DPYD: variants seen among roughly 807,000 people sequenced by gnomAD.
The protein encoded by DPYD is dihydropyrimidine dehydrogenase [NADP(+)].
In DPYD, 109 loss-of-function variants were observed where a neutral mutation model predicts 116.2. That is an observed-to-expected ratio of 0.94 (90% confidence interval 0.80 to 1.10). The LOEUF (loss-of-function observed/expected upper bound fraction) is 1.10. Ranked by LOEUF, DPYD falls within the 50% of genes least tolerant of loss-of-function variation. The pLI is 0.00. For missense variants in DPYD, 1,302 were observed against 1,254.5 expected (o/e 1.04, Z -0.57); for synonymous variants, 440 against 432.0 (o/e 1.02, Z -0.23).
At chr1:97,457,663 T>C (rs915135044) in intron 13 of DPYD, among the ~76,000 whole-genome samples, 1 of 152,066 alleles carries the variant, frequency 6.6e-6, no homozygotes, top group Non-Finnish European at 1.5e-5. Flanking sequence ...AAAACAAAAG[T>C]TGTGGGAGTT....
intron 16 of DPYD, among the ~76,000 whole-genome samples, chr1:97,314,815 T>C (rs1667719553): frequency 6.6e-6 from 1 of 151,986 alleles, no homozygotes. Context: ...GTAATGAAGT[T>C]TGAGAGGTAC....
intron 20 of DPYD, among the ~76,000 whole-genome samples, chr1:97,130,837 T>TCCTTCCTC (rs1653267320): frequency 6.1e-4 from 1 of 1,652 alleles, no homozygotes; most frequent in Non-Finnish European, 1.3e-3. Context: ...TTCTTCTTTC[T>TCCTTCCTC]CCTTCCTTCC....
At chr1:97,496,584 C>T (rs1212406384) in intron 13 of DPYD, among the ~76,000 whole-genome samples, 1 of 151,970 alleles carries the variant, frequency 6.6e-6, no homozygotes, top group Admixed American at 6.6e-5. Flanking sequence ...AAAGTAAACA[C>T]CCATTTTTAC....
chr1:97,625,110 A>C (rs1656852927), intron 8 of DPYD, among the ~76,000 whole-genome samples: 1 of 152,040 alleles, frequency 6.6e-6, no homozygotes, highest in Non-Finnish European at 1.5e-5. Flanking sequence ...TTAAGTTCAT[A>C]TGTTCTTACC....
rs566112793 is a variant in DPYD, at chr1:97,861,390, C to CA, written c.150+21873dup. On this transcript the variant is annotated intron_variant, in intron 2 of 22. Coordinates refer to ENST00000370192, the MANE Select transcript of DPYD (RefSeq NM_000110.4). ...AGATATAACTTCAATGAATTTTAAA[C>CA]AAAAAAAAATAACTGTAAAATAAAA... is the stretch of plus-strand genomic sequence containing the variant. 5.7e-4 allele frequency among the ~76,000 whole-genome samples: 83 copies of CA among 145,632 alleles called. 1 individual carries two copies. Among genetic ancestry groups the CA allele is most frequent in the African/African-American group, 1.5e-3 (59 of 39,654 alleles).
Position 97,166,915 on chromosome 1 carries a change from T to C in DPYD, c.2622+26154A>G, listed in dbSNP as rs188107398. 3.9e-5 allele frequency among the ~76,000 whole-genome samples: 6 copies of C among 152,338 alleles called. No individual in the cohort carries two copies. The East Asian group carries it at 1.2e-3, about 29-fold the overall frequency. Reference sequence around the variant, plus strand: ...ATACAGGAATATTATCAAAGTACCATATTATTTGAGCATTTTGGAAAATAT... The same window carrying C: ...ATACAGGAATATTATCAAAGTACCACATTATTTGAGCATTTTGGAAAATAT... On this transcript the variant is annotated intron_variant, in intron 20 of 22. Coordinates refer to ENST00000370192, the MANE Select transcript of DPYD (RefSeq NM_000110.4).
At chr1:97,740,109 G>A (rs139863097) in intron 4 of DPYD, among the ~76,000 whole-genome samples, 2 of 152,132 alleles carry the variant, frequency 1.3e-5, no homozygotes, top group African/African-American at 4.8e-5. Context: ...TATTTAGCAA[G>A]CATAAACTAA....
At chr1:97,506,651 G>T (rs767951037) in intron 13 of DPYD, among the ~76,000 whole-genome samples, 1 of 151,880 alleles carries the variant, frequency 6.6e-6, no homozygotes, top group Non-Finnish European at 1.5e-5. Flanking sequence ...AAGTCTATTT[G>T]AGTTTCACTT....
chr1:97,374,478 T>C (rs1482385614), intron 15 of DPYD, among the ~76,000 whole-genome samples: 1 of 151,968 alleles, frequency 6.6e-6, no homozygotes, highest in East Asian at 1.9e-4. Flanking sequence ...CCCAGCACTT[T>C]GGGAGGCCAA....
intron 14 of DPYD, among the ~76,000 whole-genome samples, chr1:97,402,648 T>C (rs1328750193): frequency 2.6e-5 from 4 of 152,154 alleles, no homozygotes; most frequent in African/African-American, 9.6e-5. Flanking sequence ...AGTATAATTA[T>C]GAAAAGAAAT....
intron 16 of DPYD, among the ~76,000 whole-genome samples, chr1:97,342,867 C>G (rs944301997): frequency 6.6e-6 from 1 of 152,098 alleles, no homozygotes; most frequent in Non-Finnish European, 1.5e-5. Flanking sequence ...TCATCACTCC[C>G]CCTACCACTT....
intron 18 of DPYD, among the ~76,000 whole-genome samples, chr1:97,288,929 T>C (rs1177517454): frequency 6.6e-6 from 1 of 151,962 alleles, no homozygotes; most frequent in Non-Finnish European, 1.5e-5. Flanking sequence ...ACAAAATTGA[T>C]AGACTGCTAG....
chr1:97,191,701 C>T (rs1464434655), intron 20 of DPYD, among the ~76,000 whole-genome samples: 1 of 152,082 alleles, frequency 6.6e-6, no homozygotes, highest in Non-Finnish European at 1.5e-5. Flanking sequence ...ACATGGCAAC[C>T]ACCCAAATTT....
At chr1:97,790,868 T>G (rs755844951) in intron 3 of DPYD, among the ~76,000 whole-genome samples, 4 of 152,338 alleles carry the variant, frequency 2.6e-5, no homozygotes, top group East Asian at 3.9e-4. Context: ...TCTACAATTT[T>G]CACGTCCTTA....
intron 8 of DPYD, among the ~76,000 whole-genome samples, chr1:97,607,878 T>C (rs373878527): frequency 6.6e-5 from 10 of 152,030 alleles, no homozygotes; most frequent in African/African-American, 2.4e-4. Context: ...TCTTTCTTGA[T>C]TTTTCAGTAC....
In DPYD at chr1:97,094,699, C is replaced by T. The variant is rs760862682; in HGVS notation, c.2766+3790G>A. ...GAGGTGACCCCAAGATATGGTGACACAAGTCTGAAGTATAGAAAAGATGTC... is the reference window on the plus strand; with the variant it reads ...GAGGTGACCCCAAGATATGGTGACATAAGTCTGAAGTATAGAAAAGATGTC... On this transcript the variant is annotated intron_variant, in intron 21 of 22. Transcript: ENST00000370192. Among the ~76,000 whole-genome samples the T allele has an allele frequency of 1.1e-3, 171 of 152,064 alleles. 1 individual carries two copies. Among genetic ancestry groups the T allele is most frequent in the Non-Finnish European group, 2.0e-3 (139 of 67,974 alleles).
intron 8 of DPYD, among the ~76,000 whole-genome samples, chr1:97,617,166 T>G (rs1213736242): frequency 6.6e-6 from 1 of 152,106 alleles, no homozygotes; most frequent in Admixed American, 6.6e-5. Context: ...GGGGCATAAG[T>G]ATGAAGAAAA....
intron 8 of DPYD, among the ~76,000 whole-genome samples, chr1:97,639,525 AT>A (rs1395703184): frequency 6.6e-6 from 1 of 152,130 alleles, no homozygotes; most frequent in Non-Finnish European, 1.5e-5. Flanking sequence ...AGCACTATGC[AT>A]TTTTAAAAGT....
intron 21 of DPYD, among the ~76,000 whole-genome samples, chr1:97,086,211 G>A (rs775612548): frequency 2.6e-5 from 4 of 152,098 alleles, no homozygotes; most frequent in East Asian, 1.9e-4. Flanking sequence ...CCGCCACCAC[G>A]CCCGGCTAAT....
Sources: allele counts gnomAD v4.1 joint callset (sites outside exome capture counted in the v4.1 genomes callset), GRCh38; gene constraint gnomAD v4.1.1; transcripts MANE v1.5; gene names NCBI Gene and HGNC (gene_info 2026-07-23, HGNC 2026-07-21).